The following BFAR variants were observed in gnomAD, a reference collection of about 807,000 sequenced individuals.
The protein encoded by BFAR is bifunctional apoptosis regulator.
Under a neutral mutation model 54.4 loss-of-function variants are expected in BFAR, and 52 were observed. That is an observed-to-expected ratio of 0.96 (90% CI 0.77 to 1.21). BFAR has a LOEUF of 1.21. BFAR is among the 50% of genes most tolerant of loss of function. The pLI is 0.00. For synonymous variants in BFAR, 215 were observed against 204.3 expected (o/e 1.05, Z -0.45); for missense variants, 571 against 534.0 (o/e 1.07, Z -0.68).
At position 14,638,477 on chromosome 16, in the gene BFAR, A is replaced by C. The variant is rs1048412382; in HGVS notation, c.-74+5459A>C. ...ATCATTCTTAAAATATTAGCCATAT[A>C]CAATGGTCATAATAAATGTATGTTG... On this transcript the variant is annotated intron_variant, in intron 1 of 7. Coordinates refer to ENST00000261658, the MANE Select transcript of BFAR (RefSeq NM_016561.3). Among the ~76,000 whole-genome samples the C allele has an allele frequency of 9.2e-5, 14 of 152,252 alleles. 1 individual carries two copies. Among genetic ancestry groups the C allele is most frequent in the Admixed American group, 3.3e-4 (5 of 15,280 alleles).
chr16:14,663,915 A>G (rs1960362646), intron 6 of BFAR, among the ~76,000 whole-genome samples: 1 of 151,446 alleles, frequency 6.6e-6, no homozygotes, highest in Non-Finnish European at 1.5e-5. Flanking sequence ...CAAGCATTTC[A>G]TTTCAACCTT....
intron 4 of BFAR, among the ~76,000 whole-genome samples, chr16:14,654,003 G>A (rs191306325): frequency 7.1e-6 from 1 of 141,338 alleles, no homozygotes; most frequent in Non-Finnish European, 1.5e-5. Context: ...GCCCATCTAA[G>A]AACTTTTTTT....
At chr16:14,645,315 A>AAAAGAAAG (rs564948559) in intron 2 of BFAR, among the ~76,000 whole-genome samples, 2 of 152,066 alleles carry the variant, frequency 1.3e-5, no homozygotes, top group African/African-American at 2.4e-5. Flanking sequence ...GTCTCAAAAA[A>AAAAGAAAG]AAAGAAAGAA....
chr16:14,650,939 C>A (rs1959950448), intron 4 of BFAR, among the ~76,000 whole-genome samples: 1 of 152,174 alleles, frequency 6.6e-6, no homozygotes, highest in Non-Finnish European at 1.5e-5. Context: ...CGTTTAATGT[C>A]CATGACATTT....
rs1206475035 is a variant in BFAR at position 14,649,849 on chromosome 16, G to C, written c.514G>C (p.Asp172His). ...YHWSSRESEHDLLVHKAVAKW... is the reference protein window; with the variant it reads ...YHWSSRESEHHLLVHKAVAKW... ...CTGGAGCAGCAGGGAATCTGAACAC[G>C]ACCTCCTGGTCCACAAGGCTGTGGC... is the stretch of plus-strand genomic sequence containing the variant. The change falls in exon 4 of 8, where the codon GAC (aspartate) becomes CAC (histidine). Residue 172 changes from aspartate to histidine, a missense_variant. By Grantham distance (81) the Asp-to-His change is moderately conservative. Transcript: ENST00000261658. 6.2e-7 allele frequency: 1 copy of C among 1,612,120 alleles called. No homozygotes were observed. Among genetic ancestry groups the C allele is most frequent in the South Asian group, 1.1e-5 (1 of 90,628 alleles).
intron 3 of BFAR, among the ~76,000 whole-genome samples, chr16:14,649,026 T>G (rs1165315353): frequency 6.6e-6 from 1 of 151,526 alleles, no homozygotes; most frequent in Non-Finnish European, 1.5e-5. Context: ...GTGGATTGTG[T>G]GCACTTCAAA....
Position 14,667,714 on chromosome 16 carries a change from A to G in BFAR, c.1240A>G (p.Ile414Val). The change falls in exon 8 of 8, where the codon ATC becomes GTC. Residue 414 changes from isoleucine to valine, a missense_variant. Ile to Val is a conservative substitution (Grantham distance 29). Coordinates refer to ENST00000261658, the MANE Select transcript of BFAR (RefSeq NM_016561.3). ...TTTTGTGGCCATGTTCTGGCCCCTC[A>G]TCCCTCAGTTTGTTTGCAACTGTTT... ...GLFVAMFWPL[I>V]PQFVCNCLFY... The G allele has an allele frequency of 6.2e-7, 1 of 1,614,064 alleles. No homozygotes were observed. Among genetic ancestry groups the G allele is most frequent in the Non-Finnish European group, 8.5e-7 (1 of 1,179,938 alleles).
chr16:14,639,693 G>A (rs1204656017), intron 1 of BFAR, among the ~76,000 whole-genome samples: 1 of 152,122 alleles, frequency 6.6e-6, no homozygotes, highest in Non-Finnish European at 1.5e-5. Context: ...TTTTCTTTTA[G>A]GGATTTAAAG....
chr16:14,651,917 C>T (rs1470645540), intron 4 of BFAR, among the ~76,000 whole-genome samples: 7 of 141,212 alleles, frequency 5.0e-5, no homozygotes, highest in South Asian at 2.2e-4. Context: ...GATGGAGTCT[C>T]GCTCTGTCCT....
At chr16:14,659,501 C>T (rs902670483) in intron 5 of BFAR, among the ~76,000 whole-genome samples, 7 of 151,914 alleles carry the variant, frequency 4.6e-5, no homozygotes, top group African/African-American at 1.2e-4. Context: ...GCATCAGCCT[C>T]CCAAAGTGCT....
chr16:14,667,150 A>G lies in BFAR; in HGVS notation c.1161-485A>G, dbSNP rs558471053. On this transcript the variant is annotated intron_variant, in intron 7 of 7. Coordinates refer to ENST00000261658, the MANE Select transcript of BFAR (RefSeq NM_016561.3). Reference sequence around the variant, plus strand: ...CGAGGAGTTTGAGACCAGCCTGGGTAACATAGCGAGACCTTGTCCCTACTT... The same window carrying G: ...CGAGGAGTTTGAGACCAGCCTGGGTGACATAGCGAGACCTTGTCCCTACTT... Among the ~76,000 whole-genome samples the G allele has an allele frequency of 5.3e-5, 8 of 152,066 alleles. No individual in the cohort carries two copies. The East Asian group carries it at 1.4e-3, about 26-fold the overall frequency.
In BFAR at chr16:14,668,220, G is replaced by C; in HGVS notation, c.*393G>C. ...TGACTGACAGAGGATCCGGATCTCA[G>C]AGCCTGAGACCAGGTTTATTGGGGC... On this transcript the variant is annotated 3_prime_UTR_variant, in exon 8 of 8. Transcript: ENST00000261658. 1 of 205,788 alleles carries C rather than the reference G, an allele frequency of 4.9e-6. No homozygotes were observed. Among genetic ancestry groups the C allele is most frequent in the Non-Finnish European group, 9.8e-6 (1 of 102,086 alleles). The allele number at this position is 205,788 out of a possible 1,614,324, so 12.7% of individuals were successfully genotyped here. A position where few individuals can be genotyped will look rare whatever the true frequency, so the allele number is the denominator to read the frequency against.
At chr16:14,647,126 C>T (rs1959819794) in intron 2 of BFAR, among the ~76,000 whole-genome samples, 1 of 151,630 alleles carries the variant, frequency 6.6e-6, no homozygotes, top group South Asian at 2.1e-4. Flanking sequence ...GCTCTGTTGC[C>T]CAGGCTGGAG....
chr16:14,667,928 C>A lies in BFAR; in HGVS notation c.*101C>A. Reference sequence around the variant, plus strand: ...GAGCGGACTTCCTATTTTCTACCCTCAGTAAAACAAGGTGCTGCTTTGTAT... The same window carrying A: ...GAGCGGACTTCCTATTTTCTACCCTAAGTAAAACAAGGTGCTGCTTTGTAT... On this transcript the variant is annotated 3_prime_UTR_variant, in exon 8 of 8. Transcript: ENST00000261658. The A allele has an allele frequency of 1.6e-6, 2 of 1,255,672 alleles. No homozygotes were observed. Among genetic ancestry groups the A allele is most frequent in the South Asian group, 1.4e-5 (1 of 71,962 alleles). 77.8% of individuals were successfully genotyped at this position (1,255,672 alleles called of 1,614,324 possible).
intron 4 of BFAR, among the ~76,000 whole-genome samples, chr16:14,654,780 C>G (rs1447097944): frequency 6.6e-6 from 1 of 152,162 alleles, no homozygotes; most frequent in Non-Finnish European, 1.5e-5. Flanking sequence ...TAGGCATGAG[C>G]CACTGCACCC....
intron 1 of BFAR, among the ~76,000 whole-genome samples, chr16:14,639,669 T>A (rs529463098): frequency 6.6e-6 from 1 of 152,170 alleles, no homozygotes; most frequent in Non-Finnish European, 1.5e-5. Context: ...ATTGTGTGTG[T>A]TCCCAGTCTT....
rs906891542 is a variant in BFAR at position 14,648,293 on chromosome 16, A to G, written c.264-95A>G. On this transcript the variant is annotated intron_variant, in intron 2 of 7. Coordinates refer to ENST00000261658, the MANE Select transcript of BFAR (RefSeq NM_016561.3). ...TTGTCAGTTCTCCTAGGGTAGCTATATATTATTAGATGTTGACTATCAGGG... is the reference window on the plus strand; with the variant it reads ...TTGTCAGTTCTCCTAGGGTAGCTATGTATTATTAGATGTTGACTATCAGGG... The G allele has an allele frequency of 1.3e-4, 118 of 919,368 alleles. 1 individual carries two copies. The Admixed American group carries it at 2.1e-3, about 17-fold the overall frequency. The allele number at this position is 919,368 out of a possible 1,614,324, so 57.0% of individuals were successfully genotyped here. A position where few individuals can be genotyped will look rare whatever the true frequency, so the allele number is the denominator to read the frequency against.
intron 1 of BFAR, among the ~76,000 whole-genome samples, chr16:14,636,491 G>C (rs190042706): frequency 6.6e-6 from 1 of 152,208 alleles, no homozygotes; most frequent in Non-Finnish European, 1.5e-5. Context: ...CTTACAGAGC[G>C]GTATTGTTGC....
At chr16:14,645,120 C>G (rs890509674) in intron 2 of BFAR, among the ~76,000 whole-genome samples, 1 of 152,072 alleles carries the variant, frequency 6.6e-6, no homozygotes, top group Non-Finnish European at 1.5e-5. Context: ...TTAGAAGCAT[C>G]CTGGGCAACA....
Sources: allele counts gnomAD v4.1 joint callset (sites outside exome capture counted in the v4.1 genomes callset), GRCh38; gene constraint gnomAD v4.1.1; transcripts MANE v1.5; gene names NCBI Gene and HGNC (gene_info 2026-07-23, HGNC 2026-07-21).